Variants in ARHGAP10 observed in about 807,000 individuals in gnomAD.
ARHGAP10 encodes the protein Rho GTPase activating protein 10.
In ARHGAP10, 87 loss-of-function variants were observed where a neutral mutation model predicts 108.6. The observed-to-expected ratio is 0.80, with a 90% confidence interval of 0.67 to 0.96. The LOEUF (loss-of-function observed/expected upper bound fraction) is 0.96, where lower values mean the gene tolerates loss of function less well. Ranked by LOEUF, ARHGAP10 falls within the 40% of genes least tolerant of loss-of-function variation. The pLI is 0.00. For missense variants in ARHGAP10, 939 were observed against 954.5 expected (o/e 0.98, Z 0.21); for synonymous variants, 347 against 341.1 (o/e 1.02, Z -0.19).
At chr4:147,964,999 T>C in intron 16 of ARHGAP10, 25 bp from the exon 17 acceptor site, 1 of 1,474,918 alleles carries the variant, frequency 6.8e-7, no homozygotes, top group Non-Finnish European at 9.1e-7. Context: ...TATTTTTTTC[T>C]TTATTATTAT....
intron 13 of ARHGAP10, among the ~76,000 whole-genome samples, chr4:147,914,045 G>A (rs994818632): frequency 2.6e-5 from 4 of 152,078 alleles, no homozygotes; most frequent in African/African-American, 9.7e-5. Context: ...GCGGCTACTC[G>A]GGAGGCTGAG....
chr4:147,997,933 G>C (rs1228051187), intron 18 of ARHGAP10, among the ~76,000 whole-genome samples: 1 of 152,072 alleles, frequency 6.6e-6, no homozygotes, highest in Non-Finnish European at 1.5e-5. Context: ...GATTGAAGTA[G>C]AAACCTTAAA....
intron 7 of ARHGAP10, 55 bp from the exon 8 acceptor site, chr4:147,874,966 T>C: frequency 6.9e-7 from 1 of 1,452,436 alleles, no homozygotes; most frequent in Middle Eastern, 1.8e-4. Flanking sequence ...AAAATGTTCA[T>C]GAGAAAACTC....
At chr4:147,857,101 C>T (rs2126832293) in intron 4 of ARHGAP10, among the ~76,000 whole-genome samples, 1 of 152,344 alleles carries the variant, frequency 6.6e-6, no homozygotes, top group South Asian at 2.1e-4. Flanking sequence ...ATCCGCCCGT[C>T]TTGGCCTCCC....
chr4:147,809,863 T>G (rs532372088), intron 1 of ARHGAP10, among the ~76,000 whole-genome samples: 1 of 152,318 alleles, frequency 6.6e-6, no homozygotes, highest in South Asian at 2.1e-4. Context: ...CCTGCTGATC[T>G]GGGACCCAGG....
chr4:147,760,015 GC>G lies in ARHGAP10; in HGVS notation c.154+27561del, dbSNP rs1245358373. Among the ~76,000 whole-genome samples the G allele has an allele frequency of 2.0e-5, 3 of 152,180 alleles. No individual in the cohort carries two copies. In the East Asian group the frequency reaches 5.8e-4, roughly 29 times the overall value. On this transcript the variant is annotated intron_variant, in intron 1 of 22. Coordinates refer to ENST00000336498, the MANE Select transcript of ARHGAP10 (RefSeq NM_024605.4). ...TCCACCCGCCTCAGCCTCCCAAAGTGCTGGAATTATAGGCATGAGACACTGG... is the reference window on the plus strand; with the variant it reads ...TCCACCCGCCTCAGCCTCCCAAAGTGTGGAATTATAGGCATGAGACACTGG...
At chr4:147,764,560 G>A (rs567700865) in intron 1 of ARHGAP10, among the ~76,000 whole-genome samples, 1 of 151,872 alleles carries the variant, frequency 6.6e-6, no homozygotes, top group African/African-American at 2.4e-5. Context: ...TTGAGATAGA[G>A]TCTCACTCTG....
intron 1 of ARHGAP10, among the ~76,000 whole-genome samples, chr4:147,796,817 G>T (rs189174653): frequency 1.3e-5 from 2 of 152,134 alleles, no homozygotes; most frequent in African/African-American, 2.4e-5. Flanking sequence ...GAGCCACTGC[G>T]CCCGGCCTGT....
chr4:147,740,206 T>C (rs1418871171), intron 1 of ARHGAP10, among the ~76,000 whole-genome samples: 1 of 151,930 alleles, frequency 6.6e-6, no homozygotes, highest in African/African-American at 2.4e-5. Context: ...TATAGGTGTG[T>C]GCCACCAGGC....
Position 147,830,512 on chromosome 4 carries a change from C to CTTTTTTT in ARHGAP10, c.312+7572_312+7578dup, listed in dbSNP as rs56946602. On this transcript the variant is annotated intron_variant, in intron 3 of 22. Coordinates refer to ENST00000336498, the MANE Select transcript of ARHGAP10 (RefSeq NM_024605.4). ...TTTTAAATGGTCAAAACCACAATTCCTTTTTTTTTTTTTTTTTTTTTTTGA... is the reference window on the plus strand; with the variant it reads ...TTTTAAATGGTCAAAACCACAATTCCTTTTTTTTTTTTTTTTTTTTTTTTTTTTTTGA... 3.1e-3 allele frequency among the ~76,000 whole-genome samples: 316 copies of CTTTTTTT among 102,162 alleles called. 2 individuals are homozygous for CTTTTTTT. The highest frequency in any genetic ancestry group is 6.0e-3 in the African/African-American group (147 of 24,602). The allele number at this position is 102,162 out of a possible 152,430, so 67.0% of individuals were successfully genotyped here. A position where few individuals can be genotyped will look rare whatever the true frequency, so the allele number is the denominator to read the frequency against.
chr4:148,036,726 C>T (rs1334194545), intron 19 of ARHGAP10, among the ~76,000 whole-genome samples: 3 of 152,164 alleles, frequency 2.0e-5, no homozygotes, highest in Non-Finnish European at 2.9e-5. Flanking sequence ...GACTAGCATA[C>T]GGATAGATGG....
Position 147,907,619 on chromosome 4 carries a change from C to T in ARHGAP10, c.1116+900C>T, listed in dbSNP as rs189062083. ...AATGTTATCTTGTGGTAACAGAGAG[C>T]GCATTGGTGAGTGTATAGGAAAAGA... On this transcript the variant is annotated intron_variant, in intron 11 of 22. Transcript: ENST00000336498. Among the ~76,000 whole-genome samples, 10 of 152,160 alleles carry T rather than the reference C, an allele frequency of 6.6e-5. 1 individual carries two copies. Among genetic ancestry groups the T allele is most frequent in the Non-Finnish European group, 1.5e-5 (1 of 68,014 alleles).
intron 18 of ARHGAP10, among the ~76,000 whole-genome samples, chr4:147,989,683 A>G (rs1322126267): frequency 6.6e-6 from 1 of 152,212 alleles, no homozygotes; most frequent in Non-Finnish European, 1.5e-5. Context: ...TTCCCTGAAC[A>G]ATTGCTCTTA....
At chr4:147,833,173 G>A (rs35339331) in intron 3 of ARHGAP10, among the ~76,000 whole-genome samples, 3 of 152,228 alleles carry the variant, frequency 2.0e-5, no homozygotes, top group Middle Eastern at 3.4e-3. Context: ...GTGGTGATAC[G>A]GTTTGGCTCT....
At chr4:147,857,734 A>T (rs1161834957) in intron 5 of ARHGAP10, 80 bp downstream of exon 5, 3 of 1,194,198 alleles carry the variant, frequency 2.5e-6, no homozygotes, top group Non-Finnish European at 3.3e-6. Flanking sequence ...TTTAATTTGG[A>T]TAACTTTTCA....
intron 13 of ARHGAP10, among the ~76,000 whole-genome samples, chr4:147,925,294 T>C (rs1415410303): frequency 6.6e-6 from 1 of 152,192 alleles, no homozygotes; most frequent in Non-Finnish European, 1.5e-5. Flanking sequence ...ACAGCTGCTC[T>C]GAGGTGGAGA....
At chr4:147,741,143 A>T (rs1362061374) in intron 1 of ARHGAP10, among the ~76,000 whole-genome samples, 3 of 152,198 alleles carry the variant, frequency 2.0e-5, no homozygotes, top group Non-Finnish European at 4.4e-5. Context: ...TTGATGTTCT[A>T]TGATGATGTA....
intron 18 of ARHGAP10, among the ~76,000 whole-genome samples, chr4:147,973,325 A>G (rs1208514545): frequency 6.6e-6 from 1 of 152,106 alleles, no homozygotes; most frequent in Non-Finnish European, 1.5e-5. Context: ...TCTTTAGAGG[A>G]ACTTAAACAG....
rs1732761686 is a variant in ARHGAP10, at chr4:147,827,509, G to A, written c.312+4552G>A. 4.6e-5 allele frequency among the ~76,000 whole-genome samples: 7 copies of A among 152,184 alleles called. No individual in the cohort carries two copies. The South Asian group carries it at 1.5e-3, about 32-fold the overall frequency. ...AAGGGTTTATGGAAGAAGTATTGGA[G>A]CTAGAGTTTGTGGGGTGGAGACACA... On this transcript the variant is annotated intron_variant, in intron 3 of 22. Coordinates refer to ENST00000336498, the MANE Select transcript of ARHGAP10 (RefSeq NM_024605.4).
Sources: gnomAD v4.1 joint callset for allele counts (sites outside exome capture counted in the v4.1 genomes callset) on GRCh38, gnomAD v4.1.1 for gene constraint, MANE v1.5 for transcripts, NCBI Gene and HGNC (gene_info 2026-07-23, HGNC 2026-07-21) for gene names.